GNA13: variants seen among roughly 807,000 people sequenced by gnomAD.
The protein encoded by GNA13 is G protein subunit alpha 13, also known as guanine nucleotide-binding protein subunit alpha-13.
A neutral mutation model predicts 33.5 loss-of-function variants in GNA13; 4 were observed. The ratio of observed to expected loss-of-function variants is 0.12; its 90% CI spans 0.06 to 0.27. GNA13 has a LOEUF of 0.27. Ranked by LOEUF, GNA13 falls within the 10% of genes least tolerant of loss-of-function variation. The pLI is 1.00. For missense variants in GNA13, 319 were observed against 487.2 expected (o/e 0.65, Z 3.25); for synonymous variants, 176 against 183.8 (o/e 0.96, Z 0.34).
At chr17:65,053,228 G>T in intron 2 of GNA13, 1 of 395,104 alleles carries the variant, frequency 2.5e-6, no homozygotes, top group Admixed American at 4.2e-5. Context: ...GAGATATGCT[G>T]GGAATGGGAC....
At chr17:65,047,681 A>T (rs1951683063) in intron 2 of GNA13, among the ~76,000 whole-genome samples, 1 of 149,960 alleles carries the variant, frequency 6.7e-6, no homozygotes, top group South Asian at 2.1e-4. Flanking sequence ...TTTAAGAGGG[A>T]GGGGGCTGTC....
chr17:65,054,029 A>C (rs1907950824), intron 1 of GNA13, among the ~76,000 whole-genome samples: 1 of 152,230 alleles, frequency 6.6e-6, no homozygotes, highest in African/African-American at 2.4e-5. Context: ...TAGTCAAAAA[A>C]CAATCTAACT....
chr17:65,050,369 C>T (rs996610465), intron 2 of GNA13, among the ~76,000 whole-genome samples: 1 of 152,124 alleles, frequency 6.6e-6, no homozygotes, highest in African/African-American at 2.4e-5. Flanking sequence ...CACCACAGCA[C>T]ATCCAAGAGT....
chr17:65,025,315 T>C (rs914967836), intron 2 of GNA13, among the ~76,000 whole-genome samples: 1 of 152,208 alleles, frequency 6.6e-6, no homozygotes, highest in East Asian at 1.9e-4. Flanking sequence ...AGTCTATATA[T>C]AGCTTCCTCT....
chr17:65,029,927 T>C (rs1022959770), intron 2 of GNA13, among the ~76,000 whole-genome samples: 2 of 152,122 alleles, frequency 1.3e-5, no homozygotes, highest in South Asian at 2.1e-4. Context: ...TAAATGTAAA[T>C]GCTAAAGACA....
intron 2 of GNA13, among the ~76,000 whole-genome samples, chr17:65,025,631 T>A (rs988453855): frequency 1.3e-5 from 2 of 152,144 alleles, no homozygotes; most frequent in Non-Finnish European, 2.9e-5. Flanking sequence ...GCTTCTATAA[T>A]AGACACCTAA....
At chr17:65,020,465 A>C (rs1206745949) in intron 2 of GNA13, among the ~76,000 whole-genome samples, 1 of 152,114 alleles carries the variant, frequency 6.6e-6, no homozygotes, top group East Asian at 1.9e-4. Flanking sequence ...CTCATAGGCC[A>C]TGTGTTTGTT....
chr17:65,042,861 T>C (rs533591798), intron 2 of GNA13, among the ~76,000 whole-genome samples: 1 of 152,346 alleles, frequency 6.6e-6, no homozygotes, highest in African/African-American at 2.4e-5. Context: ...GAATTTTTTA[T>C]GTTGGTAATG....
Position 65,014,018 on chromosome 17 carries a change from G to C in GNA13, c.*239C>G, listed in dbSNP as rs1338062126. 2.1e-6 allele frequency: 1 copy of C among 482,420 alleles called. No homozygotes were observed. Among genetic ancestry groups the C allele is most frequent in the Admixed American group, 3.6e-5 (1 of 27,676 alleles). The allele number at this position is 482,420 out of a possible 1,614,324, so 29.9% of individuals were successfully genotyped here. On this transcript the variant is annotated 3_prime_UTR_variant, in exon 4 of 4. Transcript: ENST00000439174. The surrounding 1 kb of genome is among the most constrained non-coding windows in gnomAD (Gnocchi z 5.3). ...CAGCTGGGAGGTTTTAACTGGACTT[G>C]AATAGAAGCCATGGTGAAACAGATC... is the stretch of plus-strand genomic sequence containing the variant.
At chr17:65,048,531 G>A (rs1005705526) in intron 2 of GNA13, among the ~76,000 whole-genome samples, 8 of 152,148 alleles carry the variant, frequency 5.3e-5, no homozygotes, top group African/African-American at 1.7e-4. Flanking sequence ...AACTAGAAAG[G>A]TACCTTAAGT....
chr17:65,032,810 GA>G (rs34240618), intron 2 of GNA13, among the ~76,000 whole-genome samples: 146,087 of 151,996 alleles, frequency 0.96, 70,473 homozygotes, highest in East Asian at 1. Context: ...TTTTTCTCTG[GA>G]AAAAAAACAC....
chr17:65,048,779 G>A (rs897322097), intron 2 of GNA13, among the ~76,000 whole-genome samples: 2 of 152,266 alleles, frequency 1.3e-5, no homozygotes, highest in Non-Finnish European at 2.9e-5. Flanking sequence ...TTCATCTTAG[G>A]CAAAATGTTA....
intron 2 of GNA13, among the ~76,000 whole-genome samples, chr17:65,040,962 A>G (rs1169425653): frequency 6.6e-6 from 1 of 152,208 alleles, no homozygotes; most frequent in Non-Finnish European, 1.5e-5. Context: ...CATTGCTAGT[A>G]GCTTCCATAA....
At chr17:65,031,841 G>T (rs1405362407) in intron 2 of GNA13, among the ~76,000 whole-genome samples, 4 of 141,088 alleles carry the variant, frequency 2.8e-5, no homozygotes, top group African/African-American at 1.0e-4. Context: ...TTGAGCCCAG[G>T]AGTTCTACAC....
chr17:65,026,513 C>T (rs896194825), intron 2 of GNA13, among the ~76,000 whole-genome samples: 2 of 152,112 alleles, frequency 1.3e-5, no homozygotes, highest in Admixed American at 1.3e-4. Context: ...TAAAATAAAG[C>T]CGTTTCCAAA....
chr17:65,015,260 A>G (rs1906321485), intron 3 of GNA13, among the ~76,000 whole-genome samples: 1 of 152,162 alleles, frequency 6.6e-6, no homozygotes, highest in African/African-American at 2.4e-5. Context: ...TCACTGCTAT[A>G]TATCCACCTG....
chr17:65,046,008 T>C (rs558683872), intron 2 of GNA13, among the ~76,000 whole-genome samples: 1 of 152,318 alleles, frequency 6.6e-6, no homozygotes, highest in East Asian at 1.9e-4. Flanking sequence ...GTGTCTATTC[T>C]ATTATTATTT....
Position 65,014,818 on chromosome 17 carries a change from T to C in GNA13, c.573A>G (p.Pro191=), listed in dbSNP as rs376225936. ...LDKLGEPDYI[P]SQQDILLARR... Reference sequence around the variant, plus strand: ...TGGCAAGCAGAATATCTTGTTGTGATGGAATATAATCCTGGAAAAGAAAAA... The same window carrying C: ...TGGCAAGCAGAATATCTTGTTGTGACGGAATATAATCCTGGAAAAGAAAAA... The change falls in exon 4 of 4, where the codon CCA becomes CCG. Residue 191 remains proline, a synonymous_variant. Coordinates refer to ENST00000439174, the MANE Select transcript of GNA13 (RefSeq NM_006572.6). The surrounding 1 kb of genome is among the most constrained non-coding windows in gnomAD (Gnocchi z 5.3). The C allele has an allele frequency of 1.2e-6, 2 of 1,604,292 alleles. No individual in the cohort carries two copies. Among genetic ancestry groups the C allele is most frequent in the Non-Finnish European group, 1.7e-6 (2 of 1,174,444 alleles).
intron 2 of GNA13, among the ~76,000 whole-genome samples, chr17:65,038,536 G>T (rs1456419994): frequency 6.6e-6 from 1 of 152,132 alleles, no homozygotes; most frequent in African/African-American, 2.4e-5. Flanking sequence ...CCTCAGCTCT[G>T]AGTAGCTGGG....
Sources: gnomAD v4.1 joint callset for allele counts (sites outside exome capture counted in the v4.1 genomes callset) on GRCh38, gnomAD v4.1.1 for gene constraint, Gnocchi (gnomAD v3.1) non-coding constraint, MANE v1.5 for transcripts, NCBI Gene and HGNC (gene_info 2026-07-23, HGNC 2026-07-21) for gene names.